The following FBXW8 variants were observed in gnomAD, a reference collection of about 807,000 sequenced individuals.
The protein encoded by FBXW8 is F-box and WD repeat domain containing 8.
In FBXW8, 57 loss-of-function variants were observed where a neutral mutation model predicts 65.3. The observed-to-expected ratio is 0.87, with a 90% CI of 0.71 to 1.09. The LOEUF is 1.09. Among genes scored for constraint, FBXW8 ranks in the 50% least tolerant of loss-of-function variants. FBXW8 has a pLI of 0.00. For synonymous variants in FBXW8, 308 were observed against 330.2 expected (o/e 0.93, Z 0.73); for missense variants, 777 against 814.8 (o/e 0.95, Z 0.57).
Position 116,993,498 on chromosome 12 carries a change from G to A in FBXW8, c.1239+4629G>A, listed in dbSNP as rs1269654883. ...TTTCCCTGATGATTAGTGATGTTAA[G>A]CATTGTTTCTTACGTTTGTTGGCAA... On this transcript the variant is annotated intron_variant, in intron 7 of 10. Transcript: ENST00000652555. 5.3e-5 allele frequency among the ~76,000 whole-genome samples: 8 copies of A among 152,156 alleles called. No homozygotes were observed. The East Asian group carries it at 1.5e-3, about 29-fold the overall frequency.
chr12:117,011,921 A>G (rs764104948), intron 8 of FBXW8, among the ~76,000 whole-genome samples: 1 of 152,250 alleles, frequency 6.6e-6, no homozygotes, highest in Non-Finnish European at 1.5e-5. Flanking sequence ...CAGCAAGCCA[A>G]GTACTATGTT....
chr12:116,972,686 G>A (rs1048484877), intron 5 of FBXW8, among the ~76,000 whole-genome samples: 1 of 152,156 alleles, frequency 6.6e-6, no homozygotes, highest in Non-Finnish European at 1.5e-5. Flanking sequence ...GAGAAGGAAG[G>A]CTCAAGTACG....
In FBXW8 at chr12:117,011,127, C is replaced by CTTTTTTTTT. The variant is rs397946872; in HGVS notation, c.1367+684_1367+692dup. 5.5e-3 allele frequency among the ~76,000 whole-genome samples: 670 copies of CTTTTTTTTT among 122,072 alleles called. 17 individuals are homozygous for CTTTTTTTTT. The highest frequency in any genetic ancestry group is 0.013 in the East Asian group (53 of 4,148). 80.1% of individuals were successfully genotyped at this position (122,072 alleles called of 152,430 possible). A position where few individuals can be genotyped will look rare whatever the true frequency, so the allele number is the denominator to read the frequency against. ...CTTCTTTCCTTGTTTTTTTCTTTTC[C>CTTTTTTTTT]TTTTTTTTTTTTTTTGGCCAGTTAT... On this transcript the variant is annotated intron_variant, in intron 8 of 10. Coordinates refer to ENST00000652555, the MANE Select transcript of FBXW8 (RefSeq NM_153348.3).
chr12:116,993,603 T>C (rs1410152063), intron 7 of FBXW8, among the ~76,000 whole-genome samples: 1 of 152,238 alleles, frequency 6.6e-6, no homozygotes, highest in Non-Finnish European at 1.5e-5. Context: ...TGGCTTTTTT[T>C]TCTGCTGATT....
intron 7 of FBXW8, among the ~76,000 whole-genome samples, chr12:117,001,686 CTCTCTGTGGGGATG>C (rs1316121818): frequency 1.3e-5 from 2 of 152,156 alleles, no homozygotes; most frequent in African/African-American, 4.8e-5. Context: ...ACTGCCCATG[CTCTCTGTGGGGATG>C]AGGCCTGTTG....
intron 2 of FBXW8, among the ~76,000 whole-genome samples, chr12:116,942,327 T>C (rs1022158575): frequency 1.3e-5 from 2 of 151,392 alleles, no homozygotes; most frequent in Admixed American, 6.6e-5. Flanking sequence ...TTCTTTTTTT[T>C]CCCCCATAGA....
chr12:116,941,761 T>G (rs1882581089), intron 2 of FBXW8, among the ~76,000 whole-genome samples: 1 of 152,212 alleles, frequency 6.6e-6, no homozygotes, highest in Non-Finnish European at 1.5e-5. Context: ...CATCACTGCC[T>G]TCTTTTGTGT....
At chr12:117,000,814 G>C (rs1416487833) in intron 7 of FBXW8, among the ~76,000 whole-genome samples, 1 of 152,210 alleles carries the variant, frequency 6.6e-6, no homozygotes, top group Non-Finnish European at 1.5e-5. Context: ...GCAGTGTTTT[G>C]CATGTAAGAG....
intron 4 of FBXW8, among the ~76,000 whole-genome samples, chr12:116,957,175 C>T (rs1883699173): frequency 6.6e-6 from 1 of 151,908 alleles, no homozygotes; most frequent in Non-Finnish European, 1.5e-5. Flanking sequence ...GGCAAAACCC[C>T]TTCTCTACCA....
intron 8 of FBXW8, among the ~76,000 whole-genome samples, chr12:117,021,071 G>T (rs577422335): frequency 6.6e-6 from 1 of 152,260 alleles, no homozygotes; most frequent in South Asian, 2.1e-4. Context: ...ATTTCTGCTC[G>T]CCTCAGCTGT....
chr12:116,923,333 C>G lies in FBXW8; in HGVS notation c.319-4690C>G, dbSNP rs562173358. ...ATGTGTAATACAGGACGAAAGTCCC[C>G]AATAGTGGTAGAGAATCGATATCTG... is the stretch of plus-strand genomic sequence containing the variant. On this transcript the variant is annotated intron_variant, in intron 1 of 10. Transcript: ENST00000652555. Among the ~76,000 whole-genome samples the G allele has an allele frequency of 4.6e-5, 7 of 151,792 alleles. No homozygotes were observed. The South Asian group carries it at 1.5e-3, about 32-fold the overall frequency.
At position 116,985,380 on chromosome 12, in the gene FBXW8, C is replaced by T. The variant is rs1376778129; in HGVS notation, c.1010C>T (p.Ala337Val). The change falls in exon 6 of 11, where the codon GCG (alanine) becomes GTG (valine). Residue 337 changes from alanine to valine, a missense_variant. By Grantham distance (64) the Ala-to-Val change is moderately conservative (BLOSUM62 0). Transcript: ENST00000652555. ...GAGGAGGGGTACTGGCAGATAGCTG[C>T]GGAATTTGAAGTTCCGAAACTGGTG... ...PNEEGYWQIA[A>V]EFEVPKLVQY... The T allele has an allele frequency of 5.0e-6, 8 of 1,610,266 alleles. No homozygotes were observed. The highest frequency in any genetic ancestry group is 3.3e-5 in the South Asian group (3 of 89,912).
chr12:116,998,357 A>C (rs1242914367), intron 7 of FBXW8, among the ~76,000 whole-genome samples: 5 of 139,804 alleles, frequency 3.6e-5, no homozygotes, highest in East Asian at 4.3e-4. Flanking sequence ...TTTTTAAAGG[A>C]ATTATTCAGT....
At chr12:117,013,861 G>C (rs988342121) in intron 8 of FBXW8, among the ~76,000 whole-genome samples, 6 of 151,312 alleles carry the variant, frequency 4.0e-5, no homozygotes, top group African/African-American at 1.5e-4. Flanking sequence ...TGAGAAGCTT[G>C]AATGAGTCAC....
chr12:117,007,154 C>G (rs565045653), intron 7 of FBXW8, among the ~76,000 whole-genome samples: 3 of 151,836 alleles, frequency 2.0e-5, no homozygotes, highest in African/African-American at 7.2e-5. Context: ...TATTTGAAAT[C>G]AGAAAAAGAT....
At chr12:116,962,328 A>G (rs1884035830) in intron 4 of FBXW8, among the ~76,000 whole-genome samples, 3 of 152,012 alleles carry the variant, frequency 2.0e-5, no homozygotes, top group Admixed American at 6.5e-5. Context: ...ACAGCTCACT[A>G]TTGTCTGGTT....
At chr12:116,968,482 T>C (rs1289689674) in intron 5 of FBXW8, among the ~76,000 whole-genome samples, 1 of 152,224 alleles carries the variant, frequency 6.6e-6, no homozygotes, top group Non-Finnish European at 1.5e-5. Flanking sequence ...AGTACCCCGT[T>C]TGCACACCTG....
Position 116,938,896 on chromosome 12 carries a change from G to A in FBXW8, c.424-6468G>A, listed in dbSNP as rs992960202. Reference sequence around the variant, plus strand: ...CCAGCATTTCCCTATAGCTTCCTCAGCCATGGAGAAGTAGCCCCAGTCTGG... The same window carrying A: ...CCAGCATTTCCCTATAGCTTCCTCAACCATGGAGAAGTAGCCCCAGTCTGG... On this transcript the variant is annotated intron_variant, in intron 2 of 10. Transcript: ENST00000652555. 9.2e-5 allele frequency among the ~76,000 whole-genome samples: 14 copies of A among 152,300 alleles called. 1 individual carries two copies. The highest frequency in any genetic ancestry group is 9.2e-4 in the Admixed American group (14 of 15,288).
At chr12:116,952,944 G>A (rs1334192226) in intron 4 of FBXW8, among the ~76,000 whole-genome samples, 4 of 152,064 alleles carry the variant, frequency 2.6e-5, no homozygotes, top group Admixed American at 2.6e-4. Context: ...CACCATGTTG[G>A]CCAGGCTGGT....
Sources: gnomAD v4.1 joint callset for allele counts (sites outside exome capture counted in the v4.1 genomes callset) on GRCh38, gnomAD v4.1.1 for gene constraint, MANE v1.5 for transcripts, NCBI Gene and HGNC (gene_info 2026-07-23, HGNC 2026-07-21) for gene names.